OLFML1: variants seen among roughly 807,000 people sequenced by gnomAD.
OLFML1 encodes olfactomedin-like protein 1.
A neutral mutation model predicts 37.3 loss-of-function variants in OLFML1; 33 were observed. That is an observed-to-expected ratio of 0.88 (90% CI 0.67 to 1.18). The LOEUF (loss-of-function observed/expected upper bound fraction) is 1.18. Ranked by LOEUF, OLFML1 falls within the 50% of genes most tolerant of loss-of-function variation. OLFML1 has a pLI of 0.00. For synonymous variants in OLFML1, 186 were observed against 181.3 expected (o/e 1.03, Z -0.21); for missense variants, 545 against 483.7 (o/e 1.13, Z -1.19).
Position 7,488,230 on chromosome 11 carries a change from C to T in OLFML1, c.233C>T (p.Thr78Ile), listed in dbSNP as rs758980022. The T allele has an allele frequency of 2.5e-6, 4 of 1,613,978 alleles. No individual in the cohort carries two copies. The highest frequency in any genetic ancestry group is 2.2e-5 in the South Asian group (2 of 91,070). ...SVMLGRCQTYTSEYKSAVGNL... is the reference protein window; with the variant it reads ...SVMLGRCQTYISEYKSAVGNL... ...ATGCTGGGAAGATGTCAGACCTACA[C>T]AAGTGAGTACAAGAGTGCAGTGGGT... The change falls in exon 2 of 3, where the codon ACA becomes ATA. Residue 78 changes from threonine to isoleucine, a missense_variant. By Grantham distance (89) the Thr-to-Ile change is moderately conservative. Coordinates refer to ENST00000329293, the MANE Select transcript of OLFML1 (RefSeq NM_198474.4).
At chr11:7,502,602 T>C (rs1461878886) in intron 2 of OLFML1, among the ~76,000 whole-genome samples, 1 of 151,766 alleles carries the variant, frequency 6.6e-6, no homozygotes, top group Non-Finnish European at 1.5e-5. Context: ...TTTCTTTTTC[T>C]TTTTTTTGCT....
intron 2 of OLFML1, among the ~76,000 whole-genome samples, chr11:7,497,198 G>GATATTTACCATGTAC (rs1234502950): frequency 6.6e-6 from 1 of 152,006 alleles, no homozygotes; most frequent in African/African-American, 2.4e-5. Context: ...TATAACTATT[G>GATATTTACCATGTAC]ATATTTACCA....
rs151140455 is a variant in OLFML1 at position 7,497,227 on chromosome 11, A to T, written c.418+8812A>T. 1.1e-3 allele frequency among the ~76,000 whole-genome samples: 163 copies of T among 152,294 alleles called. 1 individual carries two copies. Among genetic ancestry groups the T allele is most frequent in the African/African-American group, 3.7e-3 (155 of 41,560 alleles). On this transcript the variant is annotated intron_variant, in intron 2 of 2. Transcript: ENST00000329293. ...TTTACCATGTACATAATTAAAATGG[A>T]GAAATTGTAATAATATGTACCAGAT...
chr11:7,496,384 C>G (rs1848662545), intron 2 of OLFML1, among the ~76,000 whole-genome samples: 1 of 152,338 alleles, frequency 6.6e-6, no homozygotes, highest in African/African-American at 2.4e-5. Context: ...AGGCAGCAAT[C>G]AAGACTGATT....
At chr11:7,495,470 G>A (rs940158633) in intron 2 of OLFML1, among the ~76,000 whole-genome samples, 4 of 152,062 alleles carry the variant, frequency 2.6e-5, no homozygotes, top group Admixed American at 1.3e-4. Flanking sequence ...TATATGTGTT[G>A]TGCTTACTTT....
Position 7,509,486 on chromosome 11 carries a change from C to G in OLFML1, c.507C>G (p.Val169=). 1 of 1,613,970 alleles carries G rather than the reference C, an allele frequency of 6.2e-7. No homozygotes were observed. The highest frequency in any genetic ancestry group is 8.5e-7 in the Non-Finnish European group (1 of 1,179,902). Residue 169 remains valine, a synonymous_variant, in exon 3 of 3, where the codon GTC becomes GTG. Coordinates refer to ENST00000329293, the MANE Select transcript of OLFML1 (RefSeq NM_198474.4). ...DTHGSWMKDA[V]YNSPKVYLLI... The stretch of plus-strand genomic sequence containing the variant: ...ATGGCTCTTGGATGAAAGATGCTGT[C>G]TATAACTCTCCAAAGGTGTACTTAT...
chr11:7,489,671 T>A (rs939642928), intron 2 of OLFML1, among the ~76,000 whole-genome samples: 1 of 152,142 alleles, frequency 6.6e-6, no homozygotes, highest in Non-Finnish European at 1.5e-5. Context: ...TTAAGTGTCA[T>A]GGGACAGAGA....
Position 7,485,706 on chromosome 11 carries a change from T to C in OLFML1, c.-170T>C. 1 of 684,800 alleles carries C rather than the reference T, an allele frequency of 1.5e-6. No homozygotes were observed. Among genetic ancestry groups the C allele is most frequent in the South Asian group, 1.9e-5 (1 of 52,264 alleles). The allele number at this position is 684,800 out of a possible 1,614,324, so 42.4% of individuals were successfully genotyped here. A position where few individuals can be genotyped will look rare whatever the true frequency, so the allele number is the denominator to read the frequency against. Reference sequence around the variant, plus strand: ...TTGATCACTAGCTGGCAAACTGAGCTCACGTATCGGGTGGAATAACAAGCG... The same window carrying C: ...TTGATCACTAGCTGGCAAACTGAGCCCACGTATCGGGTGGAATAACAAGCG... On this transcript the variant is annotated 5_prime_UTR_variant, in exon 1 of 3. Coordinates refer to ENST00000329293, the MANE Select transcript of OLFML1 (RefSeq NM_198474.4).
intron 2 of OLFML1, chr11:7,504,930 ATT>A (rs10642636): frequency 5.7e-5 from 8 of 139,938 alleles, no homozygotes; most frequent in African/African-American, 1.6e-4. Context: ...CACATCCAGC[ATT>A]TTTTTTTTTT....
chr11:7,488,526 G>A, intron 2 of OLFML1, 111 bp downstream of exon 2: 1 of 779,858 alleles, frequency 1.3e-6, no homozygotes. Flanking sequence ...AGAATTGGAG[G>A]TGTGCTTTTG....
At chr11:7,490,012 A>G (rs930761484) in intron 2 of OLFML1, among the ~76,000 whole-genome samples, 7 of 151,910 alleles carry the variant, frequency 4.6e-5, no homozygotes, top group African/African-American at 1.2e-4. Context: ...CTGTGTCTCC[A>G]GTGCCTAGAA....
At chr11:7,497,705 GT>G (rs1195327113) in intron 2 of OLFML1, among the ~76,000 whole-genome samples, 6 of 152,210 alleles carry the variant, frequency 3.9e-5, no homozygotes, top group African/African-American at 1.4e-4. Context: ...CAATAAAGTT[GT>G]TAGGGTTCAG....
chr11:7,486,911 C>G (rs935721288), intron 1 of OLFML1, among the ~76,000 whole-genome samples: 1 of 152,242 alleles, frequency 6.6e-6, no homozygotes, highest in African/African-American at 2.4e-5. Flanking sequence ...GTCCAGCCAA[C>G]AGGCTGGGGC....
chr11:7,488,309 C>T lies in OLFML1; in HGVS notation c.312C>T (p.Tyr104=), dbSNP rs369772130. The change falls in exon 2 of 3, where the codon TAC becomes TAT. Residue 104 remains tyrosine, a synonymous_variant. Transcript: ENST00000329293. ...AACGGGAGATTGACTACATACAATA[C>T]CTTCGAGAGGCTGACGAGTGCATCG... ...RAQREIDYIQ[Y]LREADECIES... The T allele has an allele frequency of 3.0e-5, 48 of 1,613,910 alleles. No individual in the cohort carries two copies. Among genetic ancestry groups the T allele is most frequent in the Non-Finnish European group, 3.6e-5 (43 of 1,179,984 alleles).
intron 2 of OLFML1, among the ~76,000 whole-genome samples, chr11:7,508,061 G>A (rs543618639): frequency 6.6e-6 from 1 of 152,336 alleles, no homozygotes; most frequent in Admixed American, 6.5e-5. Context: ...AATAAAGTAA[G>A]CTAGGAAAAG....
At chr11:7,504,251 T>C (rs557852307) in intron 2 of OLFML1, among the ~76,000 whole-genome samples, 4 of 151,858 alleles carry the variant, frequency 2.6e-5, no homozygotes, top group African/African-American at 9.7e-5. Flanking sequence ...AAGGCAGGAG[T>C]GTGTTTGGTA....
At chr11:7,507,072 G>A (rs773939407) in intron 2 of OLFML1, among the ~76,000 whole-genome samples, 1 of 152,164 alleles carries the variant, frequency 6.6e-6, no homozygotes, top group South Asian at 2.1e-4. Context: ...TAGTGTCCTG[G>A]AGAATTGCCA....
intron 2 of OLFML1, among the ~76,000 whole-genome samples, chr11:7,496,120 G>A (rs1424587756): frequency 6.6e-6 from 1 of 152,230 alleles, no homozygotes; most frequent in Non-Finnish European, 1.5e-5. Flanking sequence ...GGAACAGCTG[G>A]GTGAGGATGA....
intron 2 of OLFML1, among the ~76,000 whole-genome samples, chr11:7,501,154 G>C (rs929130384): frequency 1.3e-5 from 2 of 152,170 alleles, no homozygotes; most frequent in African/African-American, 4.8e-5. Flanking sequence ...AAGAGCAGAG[G>C]CTTCACAAGA....
Sources: gnomAD v4.1 joint callset for allele counts (sites outside exome capture counted in the v4.1 genomes callset) on GRCh38, gnomAD v4.1.1 for gene constraint, MANE v1.5 for transcripts, NCBI Gene and HGNC (gene_info 2026-07-23, HGNC 2026-07-21) for gene names.